SEPTIN7: variants seen among roughly 807,000 people sequenced by gnomAD.
SEPTIN7 encodes septin-7.
In SEPTIN7, 10 loss-of-function variants were observed where a neutral mutation model predicts 63.3. The ratio of observed to expected loss-of-function variants is 0.16; its 90% CI spans 0.10 to 0.27. The LOEUF (loss-of-function observed/expected upper bound fraction) is 0.27, where lower values mean the gene tolerates loss of function less well. SEPTIN7 is among the 10% of genes least tolerant of loss of function. The pLI is 1.00. For synonymous variants in SEPTIN7, 131 were observed against 165.3 expected (o/e 0.79, Z 1.59); for missense variants, 310 against 521.0 (o/e 0.59, Z 3.94).
At chr7:35,913,773 A>G in the SEPTIN7 span, among the ~76,000 whole-genome samples, 1 of 152,190 alleles carries the variant, frequency 6.6e-6, no homozygotes, top group Non-Finnish European at 1.5e-5. Flanking sequence ...TATTTTTTGT[A>G]GTAACAGGAT....
At chr7:35,808,975 G>A (rs547980850) in intron 1 of SEPTIN7, among the ~76,000 whole-genome samples, 24 of 152,224 alleles carry the variant, frequency 1.6e-4, no homozygotes, top group African/African-American at 5.8e-4. Flanking sequence ...ACTCTTTGAA[G>A]CAGGAGACTA....
intron 1 of SEPTIN7, among the ~76,000 whole-genome samples, chr7:35,814,806 T>A (rs1257563541): frequency 6.6e-6 from 1 of 151,862 alleles, no homozygotes; most frequent in Non-Finnish European, 1.5e-5. Context: ...AAACCCCGTC[T>A]CTACTAAAAA....
At chr7:35,868,183 T>G (rs1785935813) in intron 4 of SEPTIN7, among the ~76,000 whole-genome samples, 1 of 152,114 alleles carries the variant, frequency 6.6e-6, no homozygotes, top group Admixed American at 6.5e-5. Context: ...CCCTGAAGTT[T>G]TGTAAATCAA....
rs114193108 is a variant in SEPTIN7, at chr7:35,854,793, A to G, written c.170-8759A>G. ...CCTTTAAATATTAAAAGTTAAAATT[A>G]AATATTATATAATTTATGGTTCTTG... On this transcript the variant is annotated intron_variant, in intron 3 of 13. Coordinates refer to ENST00000350320, the MANE Select transcript of SEPTIN7 (RefSeq NM_001788.6). Among the ~76,000 whole-genome samples the G allele has an allele frequency of 5.6e-3, 847 of 152,128 alleles. 7 individuals are homozygous for G. The highest frequency in any genetic ancestry group is 0.019 in the African/African-American group (806 of 41,560).
intron 1 of SEPTIN7, among the ~76,000 whole-genome samples, chr7:35,801,639 C>T (rs1787984165): frequency 6.6e-6 from 1 of 152,182 alleles, no homozygotes; most frequent in South Asian, 2.1e-4. Flanking sequence ...CCTCCCGGGC[C>T]CGCCGGCTTC....
At chr7:35,817,580 A>G (rs1047505788) in intron 1 of SEPTIN7, among the ~76,000 whole-genome samples, 1 of 152,122 alleles carries the variant, frequency 6.6e-6, no homozygotes, top group African/African-American at 2.4e-5. Context: ...CAAGTAGGCC[A>G]ACAAGGATGT....
intron 3 of SEPTIN7, among the ~76,000 whole-genome samples, chr7:35,849,481 G>T (rs1245936117): frequency 6.6e-6 from 1 of 152,200 alleles, no homozygotes; most frequent in African/African-American, 2.4e-5. Context: ...TCTGGCAGTA[G>T]TGTTCACTAC....
chr7:35,803,062 C>T, intron 1 of SEPTIN7: 1 of 579,760 alleles, frequency 1.7e-6, no homozygotes, highest in Non-Finnish European at 2.2e-6. Context: ...TTCAAATTCA[C>T]AACAAATAAC....
At chr7:35,801,396 G>T in intron 1 of SEPTIN7, 126 bp downstream of exon 1, 2 of 1,239,780 alleles carry the variant, frequency 1.6e-6, no homozygotes. Flanking sequence ...AGGGGAGCCG[G>T]GATGGGGGCC....
At chr7:35,882,906 A>G (rs1444774745) in intron 8 of SEPTIN7, among the ~76,000 whole-genome samples, 1 of 152,068 alleles carries the variant, frequency 6.6e-6, no homozygotes, top group East Asian at 1.9e-4. Context: ...TAATTGCCAG[A>G]CAAAAATGTA....
At chr7:35,822,860 C>T (rs1463904385) in intron 1 of SEPTIN7, among the ~76,000 whole-genome samples, 2 of 152,110 alleles carry the variant, frequency 1.3e-5, no homozygotes, top group African/African-American at 2.4e-5. Flanking sequence ...GCTACCACAC[C>T]CCTGTTTTGT....
chr7:35,850,499 C>G (rs972243501), intron 3 of SEPTIN7, among the ~76,000 whole-genome samples: 3 of 152,172 alleles, frequency 2.0e-5, no homozygotes, highest in Non-Finnish European at 2.9e-5. Context: ...CTTAAAGATT[C>G]TGTTTCTAAA....
At chr7:35,812,723 T>A (rs1197989945) in intron 1 of SEPTIN7, among the ~76,000 whole-genome samples, 1 of 152,220 alleles carries the variant, frequency 6.6e-6, no homozygotes, top group African/African-American at 2.4e-5. Context: ...ATTGTTCTTA[T>A]GGCTTCCAGT....
At chr7:35,871,110 A>T (rs912157465) in intron 4 of SEPTIN7, among the ~76,000 whole-genome samples, 1 of 152,204 alleles carries the variant, frequency 6.6e-6, no homozygotes, top group Non-Finnish European at 1.5e-5. Context: ...CAGATTGCCA[A>T]TAGTATATAT....
chr7:35,820,101 G>C (rs1789323155), intron 1 of SEPTIN7, among the ~76,000 whole-genome samples: 1 of 150,542 alleles, frequency 6.6e-6, no homozygotes, highest in Admixed American at 6.6e-5. Flanking sequence ...TTATCCTTTT[G>C]CTTTCGGGCC....
intron 3 of SEPTIN7, among the ~76,000 whole-genome samples, chr7:35,841,127 A>C (rs2115971909): frequency 6.6e-6 from 1 of 152,258 alleles, no homozygotes; most frequent in Non-Finnish European, 1.5e-5. Flanking sequence ...AGGCTGAGGC[A>C]GGAGAATTGC....
intron 7 of SEPTIN7, 47 bp from the exon 8 acceptor site, chr7:35,882,437 A>G (rs1353236756): frequency 2.3e-6 from 3 of 1,324,272 alleles, no homozygotes; most frequent in African/African-American, 3.1e-5. Flanking sequence ...AGACTAATAT[A>G]CTAATTATGT....
At chr7:35,859,949 AT>A (rs1785414621) in intron 3 of SEPTIN7, among the ~76,000 whole-genome samples, 1 of 152,090 alleles carries the variant, frequency 6.6e-6, no homozygotes, top group Non-Finnish European at 1.5e-5. Context: ...TGTGCCTTTA[AT>A]TGGGAGAGTT....
chr7:35,873,311 T>C (rs2116221637), intron 5 of SEPTIN7, among the ~76,000 whole-genome samples: 1 of 152,170 alleles, frequency 6.6e-6, no homozygotes, highest in Non-Finnish European at 1.5e-5. Flanking sequence ...TTTTATTATT[T>C]AAAGTAATCT....
Sources: gnomAD v4.1 joint callset for allele counts (sites outside exome capture counted in the v4.1 genomes callset) on GRCh38, gnomAD v4.1.1 for gene constraint, MANE v1.5 for transcripts, NCBI Gene and HGNC (gene_info 2026-07-23, HGNC 2026-07-21) for gene names.